Variants in DOCK3 observed in about 807,000 individuals in gnomAD.
The protein encoded by DOCK3 is dedicator of cytokinesis protein 3.
DOCK3 carries 60 observed loss-of-function variants against 265.6 expected under a neutral mutation model. The observed-to-expected ratio is 0.23, with a 90% CI of 0.18 to 0.28. The LOEUF is 0.28. Among genes scored for constraint, DOCK3 ranks in the 10% least tolerant of loss-of-function variants. The pLI is 1.00. For missense variants in DOCK3, 1,981 were observed against 2,594.3 expected, an observed-to-expected ratio of 0.76 and a Z score of 5.14; for synonymous variants, 881 against 938.0, an observed-to-expected ratio of 0.94 and a Z score of 1.11.
chr3:51,296,551 A>C (rs2082090430), intron 27 of DOCK3, among the ~76,000 whole-genome samples: 1 of 148,034 alleles, frequency 6.8e-6, no homozygotes, highest in Admixed American at 6.9e-5. Context: ...ATCTCGGCTC[A>C]CTGCAAGCTC....
chr3:50,913,253 G>T (rs148382245), intron 4 of DOCK3, among the ~76,000 whole-genome samples: 187 of 152,118 alleles, frequency 1.2e-3, no homozygotes, highest in African/African-American at 3.5e-3. Context: ...GGTTAGTAAG[G>T]TCTGAGAGTT....
chr3:51,279,277 C>T (rs1034795157), intron 26 of DOCK3, among the ~76,000 whole-genome samples: 4 of 152,058 alleles, frequency 2.6e-5, no homozygotes, highest in African/African-American at 9.7e-5. Flanking sequence ...ATAATAATTT[C>T]AGAGACCTAG....
chr3:51,234,330 T>A (rs1340947247), intron 19 of DOCK3, among the ~76,000 whole-genome samples: 1 of 152,222 alleles, frequency 6.6e-6, no homozygotes, highest in Non-Finnish European at 1.5e-5. Flanking sequence ...TCCCATCTTT[T>A]TGATTGCGTT....
rs574341888 is a variant in DOCK3, at chr3:51,305,716, CTGTGTGTGTGTG to C, written c.2923-4511_2923-4500del. On this transcript the variant is annotated intron_variant, in intron 27 of 52. Coordinates refer to ENST00000266037, the MANE Select transcript of DOCK3 (RefSeq NM_004947.5). ...TTTAATTCCCTCAGTGTGTGTGTGT[CTGTGTGTGTGTG>C]TGTGCGCGTGTGTGTGTGTGTGTGT... 6.7e-3 allele frequency among the ~76,000 whole-genome samples: 451 copies of C among 66,978 alleles called. 1 individual carries two copies. Among genetic ancestry groups the C allele is most frequent in the African/African-American group, 0.031 (431 of 14,126 alleles). 43.9% of individuals were successfully genotyped at this position (66,978 alleles called of 152,430 possible).
At chr3:51,301,316 CA>C (rs1187625704) in intron 27 of DOCK3, among the ~76,000 whole-genome samples, 1 of 151,650 alleles carries the variant, frequency 6.6e-6, no homozygotes, top group Non-Finnish European at 1.5e-5. Flanking sequence ...ATCTAGCTAG[CA>C]GTCCATTTAT....
chr3:51,239,767 G>C (rs936786428), intron 21 of DOCK3, among the ~76,000 whole-genome samples: 5 of 151,574 alleles, frequency 3.3e-5, no homozygotes, highest in African/African-American at 1.2e-4. Flanking sequence ...ATTCTCTGAT[G>C]GTTATTTGTA....
intron 12 of DOCK3, among the ~76,000 whole-genome samples, chr3:51,207,376 G>A (rs897326327): frequency 2.6e-5 from 4 of 152,114 alleles, no homozygotes; most frequent in Non-Finnish European, 4.4e-5. Flanking sequence ...ATTCAGTAGG[G>A]GAGGTAATTT....
At chr3:50,809,631 A>C (rs1007213726) in intron 2 of DOCK3, among the ~76,000 whole-genome samples, 2 of 152,212 alleles carry the variant, frequency 1.3e-5, no homozygotes, top group Admixed American at 6.5e-5. Flanking sequence ...ATAGTCTCAA[A>C]CTGGAAAAAA....
chr3:50,873,048 C>T (rs1454151776), intron 3 of DOCK3, among the ~76,000 whole-genome samples: 2 of 152,206 alleles, frequency 1.3e-5, no homozygotes, highest in Non-Finnish European at 2.9e-5. Flanking sequence ...ACGCTGGTTC[C>T]TAAGGTGCAA....
chr3:51,181,340 A>C (rs912702995), intron 12 of DOCK3, among the ~76,000 whole-genome samples: 9 of 124,064 alleles, frequency 7.3e-5, no homozygotes, highest in Middle Eastern at 0.011. Context: ...TCCTGTGTCC[A>C]AGTGTTCTCA....
intron 27 of DOCK3, among the ~76,000 whole-genome samples, chr3:51,296,280 A>C (rs2082074328): frequency 6.6e-6 from 1 of 152,234 alleles, no homozygotes. Context: ...AGAGATTGAC[A>C]GTCTGAGCCT....
intron 9 of DOCK3, among the ~76,000 whole-genome samples, chr3:51,129,806 C>T (rs1239543187): frequency 6.6e-6 from 1 of 152,208 alleles, no homozygotes; most frequent in Admixed American, 6.5e-5. Context: ...CCATTGACAC[C>T]TCAAGCACCA....
intron 5 of DOCK3, among the ~76,000 whole-genome samples, chr3:51,011,661 G>A (rs749450787): frequency 3.9e-5 from 6 of 152,084 alleles, no homozygotes; most frequent in African/African-American, 7.2e-5. Flanking sequence ...GTTGCATTGC[G>A]GGCGAGGAGC....
intron 12 of DOCK3, among the ~76,000 whole-genome samples, chr3:51,164,870 C>T (rs750825516): frequency 6.6e-6 from 1 of 151,122 alleles, no homozygotes; most frequent in African/African-American, 2.4e-5. Flanking sequence ...TTTGAGAATA[C>T]TGTCTTTGGG....
At chr3:51,260,098 T>C in intron 22 of DOCK3, 58 bp from the exon 23 acceptor site, 1 of 1,546,202 alleles carries the variant, frequency 6.5e-7, no homozygotes, top group African/African-American at 1.4e-5. Context: ...TTTCCTGCTA[T>C]GTGAGTTCCT....
At chr3:51,041,694 T>G (rs1241454822) in intron 5 of DOCK3, among the ~76,000 whole-genome samples, 1 of 152,162 alleles carries the variant, frequency 6.6e-6, no homozygotes, top group Non-Finnish European at 1.5e-5. Flanking sequence ...AAAGGAATCT[T>G]TTTTTCTGAG....
At chr3:51,136,219 G>A (rs1398471174) in intron 9 of DOCK3, among the ~76,000 whole-genome samples, 2 of 151,272 alleles carry the variant, frequency 1.3e-5, no homozygotes, top group Non-Finnish European at 2.9e-5. Flanking sequence ...GTAGTTTGTC[G>A]GTGCCCCCCG....
At chr3:50,786,631 G>T in intron 2 of DOCK3, 1 of 588,914 alleles carries the variant, frequency 1.7e-6, no homozygotes. Flanking sequence ...TGGCCTTTAT[G>T]ATTTAAAGTT....
chr3:50,868,546 G>A (rs2047260073), intron 3 of DOCK3, among the ~76,000 whole-genome samples: 1 of 151,810 alleles, frequency 6.6e-6, no homozygotes, highest in Non-Finnish European at 1.5e-5. Flanking sequence ...GCTAATTTTT[G>A]TATATTTTGT....
Sources: gnomAD v4.1 joint callset for allele counts (sites outside exome capture counted in the v4.1 genomes callset) on GRCh38, gnomAD v4.1.1 for gene constraint, MANE v1.5 for transcripts, NCBI Gene and HGNC (gene_info 2026-07-23, HGNC 2026-07-21) for gene names.